ENPEP: variants seen among roughly 807,000 people sequenced by gnomAD.
The protein encoded by ENPEP is AP-A.
In ENPEP, 103 loss-of-function variants were observed where a neutral mutation model predicts 114.5. The observed-to-expected ratio is 0.90, with a 90% CI of 0.77 to 1.06. The LOEUF (loss-of-function observed/expected upper bound fraction) is 1.06, where lower values mean the gene tolerates loss of function less well. Among genes scored for constraint, ENPEP ranks in the 50% least tolerant of loss-of-function variants. The pLI, the probability that ENPEP is intolerant of heterozygous loss-of-function variation, is 0.00. For missense variants in ENPEP, 1,196 were observed against 1,161.3 expected, an observed-to-expected ratio of 1.03 and a Z score of -0.43; for synonymous variants, 420 against 422.0, an observed-to-expected ratio of 1.00 and a Z score of 0.06.
At chr4:110,518,631 A>G (rs1725867771) in intron 8 of ENPEP, among the ~76,000 whole-genome samples, 2 of 152,254 alleles carry the variant, frequency 1.3e-5, no homozygotes, top group African/African-American at 4.8e-5. Context: ...TAAAAGCAGT[A>G]ACAACAATAA....
intron 3 of ENPEP, among the ~76,000 whole-genome samples, chr4:110,499,841 C>T (rs1463485865): frequency 6.6e-6 from 1 of 152,062 alleles, no homozygotes; most frequent in East Asian, 1.9e-4. Flanking sequence ...GGGTAATTAT[C>T]AGTGATGCAA....
chr4:110,479,220 A>G (rs756349899), intron 1 of ENPEP, among the ~76,000 whole-genome samples: 5 of 152,290 alleles, frequency 3.3e-5, no homozygotes, highest in Non-Finnish European at 4.4e-5. Context: ...ATGCTTTAAG[A>G]TGTCATTTGA....
chr4:110,519,308 A>G (rs74979517), intron 8 of ENPEP: 246 of 249,734 alleles, frequency 9.9e-4, no homozygotes, highest in Admixed American at 7.3e-3. Context: ...CATTAAGAAC[A>G]CTGAAGATGG....
At chr4:110,513,827 G>A (rs1302358659) in intron 7 of ENPEP, among the ~76,000 whole-genome samples, 1 of 152,042 alleles carries the variant, frequency 6.6e-6, no homozygotes, top group Non-Finnish European at 1.5e-5. Flanking sequence ...TAGACTTGAA[G>A]CATCACATTT....
chr4:110,508,075 AT>A (rs1553917398), intron 4 of ENPEP, among the ~76,000 whole-genome samples: 3 of 152,050 alleles, frequency 2.0e-5, no homozygotes. Flanking sequence ...AGAAGTGGAA[AT>A]CTCACAAATT....
chr4:110,521,419 T>C (rs1263412653), intron 10 of ENPEP, among the ~76,000 whole-genome samples: 1 of 151,458 alleles, frequency 6.6e-6, no homozygotes, highest in African/African-American at 2.4e-5. Flanking sequence ...ATTATATATA[T>C]ACACATATAT....
Position 110,562,363 on chromosome 4 carries a change from A to T in ENPEP, c.*805A>T, listed in dbSNP as rs1727708768. ...GCTCCATTCCTTACAAAGCTCCTTC[A>T]AATATGCTATGAAATTAGAGGGAAC... On this transcript the variant is annotated 3_prime_UTR_variant, in exon 20 of 20. Transcript: ENST00000265162. 1 of 152,176 alleles carries T rather than the reference A, an allele frequency of 6.6e-6. No individual in the cohort carries two copies. 9.4% of individuals were successfully genotyped at this position (152,176 alleles called of 1,614,324 possible). A position where few individuals can be genotyped will look rare whatever the true frequency, so the allele number is the denominator to read the frequency against.
chr4:110,524,562 A>G (rs1023923421), intron 10 of ENPEP, among the ~76,000 whole-genome samples: 25 of 152,200 alleles, frequency 1.6e-4, no homozygotes, highest in South Asian at 4.1e-4. Context: ...TTTTTTCTAT[A>G]TATTTTATGA....
intron 1 of ENPEP, among the ~76,000 whole-genome samples, chr4:110,479,292 G>A (rs1724223961): frequency 6.6e-6 from 1 of 152,080 alleles, no homozygotes; most frequent in South Asian, 2.1e-4. Flanking sequence ...CAATGTAGTT[G>A]ATTCACTTTT....
chr4:110,550,015 C>A (rs1317438818), intron 17 of ENPEP, 129 bp downstream of exon 17: 1 of 915,406 alleles, frequency 1.1e-6, no homozygotes, highest in Admixed American at 2.9e-5. Flanking sequence ...ATTTTCCCTG[C>A]AAGAAACAAA....
Position 110,520,040 on chromosome 4 carries a change from A to G in ENPEP, c.1542A>G (p.Ala514=). The G allele has an allele frequency of 6.2e-7, 1 of 1,614,040 alleles. No homozygotes were observed. Among genetic ancestry groups the G allele is most frequent in the Non-Finnish European group, 8.5e-7 (1 of 1,179,928 alleles). Residue 514 remains alanine (A), a synonymous_variant, in exon 9 of 20, where the codon GCA becomes GCG. Coordinates refer to ENST00000265162, the MANE Select transcript of ENPEP (RefSeq NM_001977.4). ...TGGAAAAATACCAATTCAAGAATGC[A>G]AAAACTTCTGATTTTTGGGCAGCAC... ...MYLEKYQFKN[A]KTSDFWAALE...
chr4:110,517,110 T>A (rs1288598030), intron 8 of ENPEP, among the ~76,000 whole-genome samples: 2 of 152,084 alleles, frequency 1.3e-5, no homozygotes, highest in Non-Finnish European at 2.9e-5. Context: ...CGGCTAATTT[T>A]TATATTTTTA....
chr4:110,544,571 A>G (rs1726980003), intron 13 of ENPEP, among the ~76,000 whole-genome samples: 1 of 152,154 alleles, frequency 6.6e-6, no homozygotes, highest in Non-Finnish European at 1.5e-5. Flanking sequence ...GTAGAATAGA[A>G]TCTGGGAAAT....
intron 13 of ENPEP, among the ~76,000 whole-genome samples, chr4:110,543,534 C>A (rs1331388302): frequency 6.6e-6 from 1 of 152,022 alleles, no homozygotes; most frequent in Non-Finnish European, 1.5e-5. Context: ...TAGAACTGAT[C>A]AGAATTAGGG....
intron 8 of ENPEP, chr4:110,519,354 G>A: frequency 4.3e-6 from 1 of 230,572 alleles, no homozygotes; most frequent in Non-Finnish European, 9.0e-6. Context: ...CTTTCAGTCA[G>A]GACAATTCTA....
At chr4:110,551,485 G>A (rs1727282295) in intron 17 of ENPEP, among the ~76,000 whole-genome samples, 1 of 152,150 alleles carries the variant, frequency 6.6e-6, no homozygotes, top group Non-Finnish European at 1.5e-5. Flanking sequence ...AATGACTGGA[G>A]TAAAAGAAGA....
At chr4:110,525,758 C>G (rs1726173109) in intron 10 of ENPEP, among the ~76,000 whole-genome samples, 1 of 152,114 alleles carries the variant, frequency 6.6e-6, no homozygotes. Flanking sequence ...GATATTAAAT[C>G]TAAAAATATG....
At chr4:110,482,213 T>A (rs776509914) in intron 1 of ENPEP, among the ~76,000 whole-genome samples, 3 of 152,136 alleles carry the variant, frequency 2.0e-5, no homozygotes, top group Non-Finnish European at 4.4e-5. Flanking sequence ...ATAGGAAACG[T>A]GATTTCAGGA....
At chr4:110,505,913 T>G (rs981599071) in intron 3 of ENPEP, among the ~76,000 whole-genome samples, 3 of 152,166 alleles carry the variant, frequency 2.0e-5, no homozygotes, top group African/African-American at 7.2e-5. Flanking sequence ...AAGTCAGACA[T>G]GCTTAGAATT....
Sources: allele counts gnomAD v4.1 joint callset (sites outside exome capture counted in the v4.1 genomes callset), GRCh38; gene constraint gnomAD v4.1.1; transcripts MANE v1.5; gene names NCBI Gene and HGNC (gene_info 2026-07-23, HGNC 2026-07-21).